ATG10: variants seen among roughly 807,000 people sequenced by gnomAD.
ATG10 encodes ubiquitin-like-conjugating enzyme ATG10.
Under a neutral mutation model 32.1 loss-of-function variants are expected in ATG10, and 30 were observed. The ratio of observed to expected loss-of-function variants is 0.94; its 90% confidence interval spans 0.70 to 1.27. ATG10 has a LOEUF of 1.27. Ranked by LOEUF, ATG10 falls within the 50% of genes most tolerant of loss-of-function variation. The probability of loss-of-function intolerance (pLI) is 0.00; values close to 1 mark genes in which losing one functional copy is unlikely to be tolerated. For synonymous variants in ATG10, 87 were observed against 91.5 expected (o/e 0.95, Z 0.28); for missense variants, 233 against 262.3 (o/e 0.89, Z 0.77).
chr5:82,041,834 T>C (rs770605090), intron 2 of ATG10, among the ~76,000 whole-genome samples: 1 of 152,134 alleles, frequency 6.6e-6, no homozygotes, highest in Non-Finnish European at 1.5e-5. Context: ...TTTCGGATAG[T>C]TTCTATTGCT....
chr5:82,233,334 C>T (rs1334513320), intron 5 of ATG10, among the ~76,000 whole-genome samples: 1 of 152,192 alleles, frequency 6.6e-6, no homozygotes, highest in African/African-American at 2.4e-5. Flanking sequence ...ATTGCCCTTT[C>T]AACACATTTC....
intron 5 of ATG10, among the ~76,000 whole-genome samples, chr5:82,222,190 C>T (rs1011905844): frequency 5.3e-5 from 8 of 152,166 alleles, no homozygotes; most frequent in African/African-American, 1.9e-4. Context: ...GGTACACCAA[C>T]TTCCCAATTT....
rs140191988 is a variant in ATG10 at position 82,089,637 on chromosome 5, G to A, written c.216+31035G>A. On this transcript the variant is annotated intron_variant, in intron 3 of 7. Coordinates refer to ENST00000282185, the MANE Select transcript of ATG10 (RefSeq NM_031482.5). Reference sequence around the variant, plus strand: ...GGATTTAAAGGTAAAATATAAAACTGTAAAACTTTTAGGAAGAGAAAAAAA... The same window carrying A: ...GGATTTAAAGGTAAAATATAAAACTATAAAACTTTTAGGAAGAGAAAAAAA... Among the ~76,000 whole-genome samples the A allele has an allele frequency of 4.0e-4, 61 of 151,998 alleles. No homozygotes were observed. In the East Asian group the frequency reaches 0.01, roughly 26 times the overall value.
intron 3 of ATG10, among the ~76,000 whole-genome samples, chr5:82,156,132 C>T (rs1270870827): frequency 6.6e-6 from 1 of 151,792 alleles, no homozygotes; most frequent in East Asian, 1.9e-4. Context: ...TGCATTTAGG[C>T]TCCCTCCGAG....
At chr5:82,167,077 C>A (rs1210534117) in intron 4 of ATG10, among the ~76,000 whole-genome samples, 1 of 152,112 alleles carries the variant, frequency 6.6e-6, no homozygotes, top group African/African-American at 2.4e-5. Context: ...AAATGCAAAT[C>A]CCTTAGACTT....
At chr5:82,029,913 T>C (rs1762698094) in intron 2 of ATG10, among the ~76,000 whole-genome samples, 1 of 152,192 alleles carries the variant, frequency 6.6e-6, no homozygotes, top group African/African-American at 2.4e-5. Context: ...ATAATTCACA[T>C]TGGTTAGTAA....
At chr5:81,982,110 A>G (rs184511267) in intron 1 of ATG10, among the ~76,000 whole-genome samples, 89 of 152,378 alleles carry the variant, frequency 5.8e-4, no homozygotes, top group African/African-American at 1.9e-3. Flanking sequence ...AACAAAAACA[A>G]AAACAAAACA....
At chr5:82,160,532 G>A (rs528465373) in intron 3 of ATG10, among the ~76,000 whole-genome samples, 52 of 152,162 alleles carry the variant, frequency 3.4e-4, no homozygotes, top group African/African-American at 1.1e-3. Context: ...GCAGTTGGTC[G>A]GTTGTGTGGT....
chr5:82,201,219 G>A (rs916473408), intron 5 of ATG10, among the ~76,000 whole-genome samples: 1 of 151,994 alleles, frequency 6.6e-6, no homozygotes, highest in Non-Finnish European at 1.5e-5. Flanking sequence ...TGCACTTTTG[G>A]TATTTTATCT....
intron 2 of ATG10, among the ~76,000 whole-genome samples, chr5:82,023,671 C>T (rs1260860851): frequency 6.6e-6 from 1 of 152,094 alleles, no homozygotes; most frequent in Non-Finnish European, 1.5e-5. Flanking sequence ...GTTTGTTTTT[C>T]TTCAAAGTAA....
chr5:82,138,987 C>A (rs1375242417), intron 3 of ATG10, among the ~76,000 whole-genome samples: 1 of 150,674 alleles, frequency 6.6e-6, no homozygotes, highest in Non-Finnish European at 1.5e-5. Flanking sequence ...CAAATGCCTG[C>A]GATCGCAGGC....
chr5:82,198,060 G>T (rs1317580896), intron 5 of ATG10, among the ~76,000 whole-genome samples: 1 of 152,150 alleles, frequency 6.6e-6, no homozygotes, highest in African/African-American at 2.4e-5. Flanking sequence ...CCTGGGGAAG[G>T]TTGACTAAGG....
intron 5 of ATG10, among the ~76,000 whole-genome samples, chr5:82,210,848 G>A (rs1745467083): frequency 6.6e-6 from 1 of 152,210 alleles, no homozygotes; most frequent in Non-Finnish European, 1.5e-5. Flanking sequence ...GGACAAGAAT[G>A]TATGATATAT....
chr5:82,220,483 C>A (rs1463800659), intron 5 of ATG10, among the ~76,000 whole-genome samples: 1 of 151,884 alleles, frequency 6.6e-6, no homozygotes. Flanking sequence ...AGGATGGTCT[C>A]GATCTCCTGA....
At chr5:82,120,487 T>C (rs1478154203) in intron 3 of ATG10, among the ~76,000 whole-genome samples, 1 of 152,166 alleles carries the variant, frequency 6.6e-6, no homozygotes, top group Non-Finnish European at 1.5e-5. Flanking sequence ...GGAAAAACTA[T>C]AGAAAGAATT....
chr5:82,033,768 G>A (rs537284033), intron 2 of ATG10, among the ~76,000 whole-genome samples: 2 of 150,496 alleles, frequency 1.3e-5, no homozygotes, highest in East Asian at 3.9e-4. Context: ...ACATATGTGT[G>A]TATATATACG....
chr5:82,184,874 C>A lies in ATG10; in HGVS notation c.453+6287C>A, dbSNP rs529539523. Among the ~76,000 whole-genome samples the A allele has an allele frequency of 4.5e-4, 69 of 152,244 alleles. 1 individual carries two copies. The highest frequency in any genetic ancestry group is 3.4e-3 in the Middle Eastern group (1 of 292). ...ACTACACCTCACTCTTTTCTGCTAC[C>A]GCAACAGGGCTGCAGAAACATCAGG... On this transcript the variant is annotated intron_variant, in intron 5 of 7. Transcript: ENST00000282185.
In ATG10 at chr5:82,002,952, C is replaced by T. The variant is rs541039504; in HGVS notation, c.108+15274C>T. Reference sequence around the variant, plus strand: ...AACCTAAAATAAAAGTTCAAAAAAACGAGAAAAAAATTATTTCACGTGACC... The same window carrying T: ...AACCTAAAATAAAAGTTCAAAAAAATGAGAAAAAAATTATTTCACGTGACC... On this transcript the variant is annotated intron_variant, in intron 2 of 7. Transcript: ENST00000282185. Among the ~76,000 whole-genome samples the T allele has an allele frequency of 2.7e-4, 41 of 152,056 alleles. 2 individuals carry two copies. The South Asian group carries it at 7.7e-3, about 28-fold the overall frequency.
chr5:82,175,272 G>A lies in ATG10; in HGVS notation c.356-3218G>A, dbSNP rs372177088. ...GATTGCAGCTAAAGGACTCCACTGA[G>A]GTAAATACTTTCCTGGCCTCTTGTC... On this transcript the variant is annotated intron_variant, in intron 4 of 7. Coordinates refer to ENST00000282185, the MANE Select transcript of ATG10 (RefSeq NM_031482.5). Among the ~76,000 whole-genome samples, 47 of 152,240 alleles carry A rather than the reference G, an allele frequency of 3.1e-4. No individual in the cohort carries two copies. In the South Asian group the frequency reaches 9.5e-3, roughly 31 times the overall value.
Sources: allele counts gnomAD v4.1 joint callset (sites outside exome capture counted in the v4.1 genomes callset), GRCh38; gene constraint gnomAD v4.1.1; transcripts MANE v1.5; gene names NCBI Gene and HGNC (gene_info 2026-07-23, HGNC 2026-07-21).